Variants in CDH23 observed in about 807,000 individuals in gnomAD.
CDH23 encodes cadherin related 23.
A neutral mutation model predicts 317.1 loss-of-function variants in CDH23; 189 were observed. That is an observed-to-expected ratio of 0.60 (90% CI 0.53 to 0.67). The LOEUF (loss-of-function observed/expected upper bound fraction) is 0.67. CDH23 is among the 30% of genes least tolerant of loss of function. The pLI, the probability that CDH23 is intolerant of heterozygous loss-of-function variation, is 0.00. For synonymous variants in CDH23, 1,839 were observed against 1,876.8 expected (o/e 0.98, Z 0.52); for missense variants, 4,401 against 4,592.4 (o/e 0.96, Z 1.20).
intron 9 of CDH23, among the ~76,000 whole-genome samples, chr10:71,598,788 A>C (rs1374004184): frequency 6.6e-6 from 1 of 152,278 alleles, no homozygotes; most frequent in Non-Finnish European, 1.5e-5. Context: ...TCGCTTGCTC[A>C]GCAGAAGTTT....
chr10:71,759,072 T>C, intron 38 of CDH23, among the ~76,000 whole-genome samples: 1 of 150,588 alleles, frequency 6.6e-6, no homozygotes, highest in East Asian at 2.0e-4. Context: ...GGAGTCTTGC[T>C]CTATCAGCAG....
chr10:71,793,441 C>T lies in CDH23; in HGVS notation c.6513C>T (p.Arg2171=), dbSNP rs772918988. 1.2e-6 allele frequency: 2 copies of T among 1,614,042 alleles called. No homozygotes were observed. Among genetic ancestry groups the T allele is most frequent in the Non-Finnish European group, 1.7e-6 (2 of 1,179,900 alleles). The change falls in exon 48 of 70, where the codon CGC becomes CGT. Residue 2171 remains arginine (R), a synonymous_variant. Transcript: ENST00000224721. ...TGATCGATGACATCAATGACTCCCG[C>T]CCCGAGTTCCTCAACCCCATCCAGA... ...TILIDDINDS[R]PEFLNPIQTV...
rs531597304 is a variant in CDH23 at position 71,489,844 on chromosome 10, G to A, written c.146-20238G>A. ...GTGAATTTGGGCTGCAAATGCAGAT[G>A]TGGGCCATTAGGGTTACAAATCCTT... On this transcript the variant is annotated intron_variant, in intron 3 of 69. Coordinates refer to ENST00000224721, the MANE Select transcript of CDH23 (RefSeq NM_022124.6). Among the ~76,000 whole-genome samples, 4 of 152,308 alleles carry A rather than the reference G, an allele frequency of 2.6e-5. No homozygotes were observed. The South Asian group carries it at 6.2e-4, about 24-fold the overall frequency.
chr10:71,702,546 C>T lies in CDH23; in HGVS notation c.2588-3C>T. On this transcript the variant is annotated splice_polypyrimidine_tract_variant and splice_region_variant and intron_variant, in intron 23 of 69. Coordinates refer to ENST00000224721, the MANE Select transcript of CDH23 (RefSeq NM_022124.6). ...TGGCCCCTTCTCGCCCTGGTCTTCC[C>T]AGGTGGCAGGCCCCCTCTGAAAGCC... 6.2e-7 allele frequency: 1 copy of T among 1,613,966 alleles called. No individual in the cohort carries two copies. The highest frequency in any genetic ancestry group is 8.5e-7 in the Non-Finnish European group (1 of 1,179,884).
intron 1 of CDH23, among the ~76,000 whole-genome samples, chr10:71,405,414 G>A (rs926429790): frequency 4.0e-5 from 6 of 151,252 alleles, no homozygotes; most frequent in African/African-American, 1.5e-4. Flanking sequence ...CTTAGAGGGT[G>A]AGGCATGGGT....
intron 9 of CDH23, among the ~76,000 whole-genome samples, chr10:71,600,259 C>A (rs946597462): frequency 6.6e-6 from 1 of 152,050 alleles, no homozygotes; most frequent in Non-Finnish European, 1.5e-5. Flanking sequence ...GCCTTGGCCT[C>A]CCAAAGTGCT....
intron 9 of CDH23, among the ~76,000 whole-genome samples, chr10:71,612,644 G>A (rs1009270819): frequency 6.6e-6 from 1 of 152,170 alleles, no homozygotes; most frequent in East Asian, 1.9e-4. Context: ...GTCTGTGGGG[G>A]GGCTGGGGAG....
At chr10:71,525,252 C>T (rs4747159) in intron 6 of CDH23, among the ~76,000 whole-genome samples, 1 of 152,164 alleles carries the variant, frequency 6.6e-6, no homozygotes, top group Non-Finnish European at 1.5e-5. Flanking sequence ...GACTTCTGAC[C>T]TTTAGAACCA....
intron 6 of CDH23, among the ~76,000 whole-genome samples, chr10:71,539,774 A>T (rs1031000744): frequency 4.7e-5 from 7 of 149,358 alleles, no homozygotes; most frequent in Non-Finnish European, 8.9e-5. Context: ...TTTCTTTCCC[A>T]TCTTCTCCCA....
intron 9 of CDH23, among the ~76,000 whole-genome samples, chr10:71,604,321 G>A (rs1336446885): frequency 6.6e-6 from 1 of 152,200 alleles, no homozygotes; most frequent in African/African-American, 2.4e-5. Context: ...AAAGCTAAGA[G>A]TGGAATAATG....
chr10:71,605,252 T>TA lies in CDH23; in HGVS notation c.833-10241dup, dbSNP rs1554844653. On this transcript the variant is annotated intron_variant, in intron 9 of 69. Coordinates refer to ENST00000224721, the MANE Select transcript of CDH23 (RefSeq NM_022124.6). ...GGAACTTGTATTGACCTTTTTTTTTTAAAAAAAAAAAGAAAGACAACAAAT... is the reference window on the plus strand; with the variant it reads ...GGAACTTGTATTGACCTTTTTTTTTTAAAAAAAAAAAAGAAAGACAACAAAT... Among the ~76,000 whole-genome samples, 1,361 of 146,668 alleles carry TA rather than the reference T, an allele frequency of 9.3e-3. 15 individuals carry two copies. The highest frequency in any genetic ancestry group is 0.024 in the African/African-American group (949 of 40,038).
chr10:71,409,535 T>A (rs1848257575), intron 1 of CDH23, among the ~76,000 whole-genome samples: 1 of 152,096 alleles, frequency 6.6e-6, no homozygotes, highest in Non-Finnish European at 1.5e-5. Flanking sequence ...TCCACGTGGC[T>A]GTTTCCTGAC....
intron 6 of CDH23, among the ~76,000 whole-genome samples, chr10:71,537,024 C>T (rs565104759): frequency 1.3e-5 from 2 of 152,212 alleles, no homozygotes; most frequent in Admixed American, 6.5e-5. Context: ...ATATTGCCTT[C>T]GCCACCGTGC....
intron 22 of CDH23, 54 bp from the exon 23 acceptor site, chr10:71,701,966 CAG>C: frequency 6.3e-7 from 1 of 1,583,312 alleles, no homozygotes; most frequent in Non-Finnish European, 8.6e-7. Flanking sequence ...CCGGCCAGCC[CAG>C]AGACACCCTC....
At chr10:71,777,606 G>C in intron 38 of CDH23, 74 bp from the exon 39 acceptor site, 1 of 1,357,892 alleles carries the variant, frequency 7.4e-7, no homozygotes, top group Admixed American at 2.0e-5. Flanking sequence ...GTTCAGCCCA[G>C]GAGAACAGCC....
chr10:71,802,821 T>TAA, intron 53 of CDH23, 77 bp from the exon 54 acceptor site: 1 of 1,489,724 alleles, frequency 6.7e-7, no homozygotes, highest in Non-Finnish European at 9.3e-7. Flanking sequence ...CTATCCAGGC[T>TAA]TACTCCTGCA....
intron 11 of CDH23, among the ~76,000 whole-genome samples, chr10:71,639,078 T>C (rs1490845332): frequency 1.3e-5 from 2 of 152,172 alleles, no homozygotes; most frequent in African/African-American, 2.4e-5. Flanking sequence ...AAAGCTAAGC[T>C]GTCACCTCGG....
chr10:71,765,541 A>C (rs534668929), intron 38 of CDH23, among the ~76,000 whole-genome samples: 1 of 152,314 alleles, frequency 6.6e-6, no homozygotes, highest in African/African-American at 2.4e-5. Context: ...GGGAGCCCTC[A>C]GGGTCTAAGC....
chr10:71,485,925 C>A (rs555089467), intron 3 of CDH23, among the ~76,000 whole-genome samples: 1 of 152,358 alleles, frequency 6.6e-6, no homozygotes, highest in South Asian at 2.1e-4. Context: ...TCTGACTTAT[C>A]TTCCTGGGGG....
Sources: gnomAD v4.1 joint callset for allele counts (sites outside exome capture counted in the v4.1 genomes callset) on GRCh38, gnomAD v4.1.1 for gene constraint, MANE v1.5 for transcripts, NCBI Gene and HGNC (gene_info 2026-07-23, HGNC 2026-07-21) for gene names.